Variants in WNT4 observed in about 807,000 individuals in gnomAD.
WNT4 encodes protein Wnt-4.
WNT4 carries 16 observed loss-of-function variants against 34.5 expected under a neutral mutation model. The ratio of observed to expected loss-of-function variants is 0.46; its 90% CI spans 0.31 to 0.70. The LOEUF is 0.70. Among genes scored for constraint, WNT4 ranks in the 30% least tolerant of loss-of-function variants. The pLI is 0.04. For missense variants in WNT4, 379 were observed against 495.9 expected, an observed-to-expected ratio of 0.76 and a Z score of 2.24; for synonymous variants, 200 against 211.9, an observed-to-expected ratio of 0.94 and a Z score of 0.49.
rs746235370 is a variant in WNT4 at position 22,120,431 on chromosome 1, C to T, written c.675G>A (p.Pro225=). 13 of 1,613,634 alleles carry T rather than the reference C, an allele frequency of 8.1e-6. No homozygotes were observed. Among genetic ancestry groups the T allele is most frequent in the East Asian group, 2.2e-5 (1 of 44,896 alleles). ...CEVKTCWRAV[P]PFRQVGHALK... ...GTGCGTGACCCACCTGGCGGAAGGGCGGCACGGCTCGCCAGCACGTCTTTA... is the reference window on the plus strand; with the variant it reads ...GTGCGTGACCCACCTGGCGGAAGGGTGGCACGGCTCGCCAGCACGTCTTTA... Residue 225 remains proline (P), a synonymous_variant, in exon 5 of 5, where the codon CCG becomes CCA. Coordinates refer to ENST00000290167, the MANE Select transcript of WNT4 (RefSeq NM_030761.5).
intron 2 of WNT4, among the ~76,000 whole-genome samples, chr1:22,129,297 T>A (rs1645964365): frequency 6.6e-6 from 1 of 152,178 alleles, no homozygotes; most frequent in Non-Finnish European, 1.5e-5. Flanking sequence ...TGCCTGAGCC[T>A]CAGTTTCTTC....
rs1387956416 is a variant in WNT4, at chr1:22,139,137, T to G, written c.77+3709A>C. ...CCTGTGTTAAATCAGTGGATCTGGGTGGGACAGCCTGGGATAAACAGGGCT... is the reference window on the plus strand; with the variant it reads ...CCTGTGTTAAATCAGTGGATCTGGGGGGGACAGCCTGGGATAAACAGGGCT... On this transcript the variant is annotated intron_variant, in intron 1 of 4. Transcript: ENST00000290167. The surrounding 1 kb of genome is among the most constrained non-coding windows in gnomAD (Gnocchi z 4.6). Among the ~76,000 whole-genome samples, 2 of 152,142 alleles carry G rather than the reference T, an allele frequency of 1.3e-5. No individual in the cohort carries two copies. The highest frequency in any genetic ancestry group is 6.5e-5 in the Admixed American group (1 of 15,282).
chr1:22,121,086 G>C, intron 4 of WNT4, 125 bp downstream of exon 4: 5 of 1,486,758 alleles, frequency 3.4e-6, no homozygotes, highest in Non-Finnish European at 4.5e-6. Context: ...CTGGCCTACA[G>C]AAGGTGCCAG....
At chr1:22,129,268 G>A (rs1408206696) in intron 2 of WNT4, among the ~76,000 whole-genome samples, 4 of 152,168 alleles carry the variant, frequency 2.6e-5, no homozygotes, top group Non-Finnish European at 4.4e-5. Context: ...GGAACCTTGG[G>A]CAAGTCAGTG....
chr1:22,127,879 G>C lies in WNT4; in HGVS notation c.313+1737C>G, dbSNP rs536627450. Among the ~76,000 whole-genome samples the C allele has an allele frequency of 3.3e-5, 5 of 152,326 alleles. No homozygotes were observed. In the East Asian group the frequency reaches 9.7e-4, roughly 29 times the overall value. ...CCTCAAGAAGGGGGCTTGGGTGTTT[G>C]CGGTGGAGGACATTGCATATGCAAA... On this transcript the variant is annotated intron_variant, in intron 2 of 4. Coordinates refer to ENST00000290167, the MANE Select transcript of WNT4 (RefSeq NM_030761.5).
intron 1 of WNT4, among the ~76,000 whole-genome samples, chr1:22,141,470 G>C (rs1024302375): frequency 3.3e-5 from 5 of 152,152 alleles, no homozygotes; most frequent in African/African-American, 1.2e-4. Context: ...CTCCATTCAG[G>C]GGGTGGCCTG....
Position 22,142,946 on chromosome 1 carries a change from CG to C in WNT4, c.-25del, listed in dbSNP as rs1294916412. 2 of 1,055,108 alleles carry C rather than the reference CG, an allele frequency of 1.9e-6. No individual in the cohort carries two copies. The highest frequency in any genetic ancestry group is 1.1e-6 in the Non-Finnish European group (1 of 871,224). The allele number at this position is 1,055,108 out of a possible 1,614,324, so 65.4% of individuals were successfully genotyped here. On this transcript the variant is annotated 5_prime_UTR_variant, in exon 1 of 5. Coordinates refer to ENST00000290167, the MANE Select transcript of WNT4 (RefSeq NM_030761.5). This position sits in a 1 kb window ranked among gnomAD's most constrained non-coding sequence, Gnocchi z 6.0. The stretch of plus-strand genomic sequence containing the variant: ...ATGGTGCCGCCGCGGGCGCCCGGCC[CG>C]GGGCAGCGGCTGCGGCCGCGGGGGG...
chr1:22,122,795 CCT>C (rs1645911805), intron 2 of WNT4, among the ~76,000 whole-genome samples: 1 of 152,340 alleles, frequency 6.6e-6, no homozygotes, highest in East Asian at 1.9e-4. Context: ...TCTCTGTGCC[CCT>C]GTCTGTGGAC....
Position 22,134,936 on chromosome 1 carries a change from CT to C in WNT4, c.78-5086del, listed in dbSNP as rs1259652486. On this transcript the variant is annotated intron_variant, in intron 1 of 4. Coordinates refer to ENST00000290167, the MANE Select transcript of WNT4 (RefSeq NM_030761.5). This position sits in a 1 kb window ranked among gnomAD's most constrained non-coding sequence, Gnocchi z 4.1. ...GATCATGCCTGAGAGGTGGGACACG[CT>C]CCCCCGGGGTACAGTGGATGACCTC... 6.6e-6 allele frequency among the ~76,000 whole-genome samples: 1 copy of C among 152,198 alleles called. No individual in the cohort carries two copies. Among genetic ancestry groups the C allele is most frequent in the Non-Finnish European group, 1.5e-5 (1 of 68,022 alleles).
chr1:22,133,850 G>A (rs1315364631), intron 1 of WNT4, among the ~76,000 whole-genome samples: 4 of 152,228 alleles, frequency 2.6e-5, no homozygotes, highest in Admixed American at 1.3e-4. Context: ...TACAGCCTGC[G>A]AGGCTGGAGG....
At chr1:22,129,966 C>T in intron 1 of WNT4, 115 bp from the exon 2 acceptor site, 1 of 1,233,350 alleles carries the variant, frequency 8.1e-7, no homozygotes, top group Non-Finnish European at 1.2e-6. Context: ...GTGACTGGGC[C>T]TGGCTGCCGA....
chr1:22,120,426 A>G lies in WNT4; in HGVS notation c.680T>C (p.Phe227Ser). 1.2e-6 allele frequency: 2 copies of G among 1,613,772 alleles called. No individual in the cohort carries two copies. The highest frequency in any genetic ancestry group is 1.7e-6 in the Non-Finnish European group (2 of 1,179,820). Residue 227 changes from phenylalanine (F) to serine (S), a missense_variant, in exon 5 of 5, where the codon TTC (phenylalanine) becomes TCC (serine). Phe to Ser is a radical substitution (Grantham distance 155). Transcript: ENST00000290167. ...VKTCWRAVPP[F>S]RQVGHALKEK... Reference sequence around the variant, plus strand: ...CTTCAGTGCGTGACCCACCTGGCGGAAGGGCGGCACGGCTCGCCAGCACGT... The same window carrying G: ...CTTCAGTGCGTGACCCACCTGGCGGGAGGGCGGCACGGCTCGCCAGCACGT...
At chr1:22,121,665 C>T (rs1645899713) in intron 2 of WNT4, 89 bp from the exon 3 acceptor site, 2 of 1,557,064 alleles carry the variant, frequency 1.3e-6, no homozygotes, top group Middle Eastern at 2.0e-4. Flanking sequence ...ATGGAGCCTC[C>T]TGCTTGCTGG....
rs536666171 is a variant in WNT4, at chr1:22,128,549, G to A, written c.313+1067C>T. On this transcript the variant is annotated intron_variant, in intron 2 of 4. Coordinates refer to ENST00000290167, the MANE Select transcript of WNT4 (RefSeq NM_030761.5). ...GTCTCAGCTGAGGACCAATCTCCTC[G>A]GAAAAGCCTTCCCTGAGCATCCCAG... Among the ~76,000 whole-genome samples the A allele has an allele frequency of 1.1e-4, 16 of 152,140 alleles. 1 individual carries two copies. In the East Asian group the frequency reaches 2.7e-3, roughly 26 times the overall value.
In WNT4 at chr1:22,142,370, A is replaced by C. The variant is rs1175219129; in HGVS notation, c.77+476T>G. Among the ~76,000 whole-genome samples, 5 of 150,868 alleles carry C rather than the reference A, an allele frequency of 3.3e-5. No individual in the cohort carries two copies. Among genetic ancestry groups the C allele is most frequent in the African/African-American group, 4.8e-5 (2 of 41,268 alleles). ...CAGAAACAGGTCCCTGCACGCCTCC[A>C]GCCCAGCCCGCAGCGCGGCGCAGCT... On this transcript the variant is annotated intron_variant, in intron 1 of 4. Transcript: ENST00000290167. The surrounding 1 kb of genome is among the most constrained non-coding windows in gnomAD (Gnocchi z 6.0).
In WNT4 at chr1:22,117,860, G is replaced by T. The variant is rs1210157725; in HGVS notation, c.*2190C>A. On this transcript the variant is annotated 3_prime_UTR_variant, in exon 5 of 5. Coordinates refer to ENST00000290167, the MANE Select transcript of WNT4 (RefSeq NM_030761.5). ...GGCTCAGCTCTTTCCTCTGGGAGGG[G>T]AGGGGTCCTCATTGTTCCCTCTTTC... 13 of 152,446 alleles carry T rather than the reference G, an allele frequency of 8.5e-5. No homozygotes were observed. In the East Asian group the frequency reaches 2.3e-3, roughly 27 times the overall value. 9.4% of individuals were successfully genotyped at this position (152,446 alleles called of 1,614,324 possible).
chr1:22,121,799 C>G (rs1341916911), intron 2 of WNT4, among the ~76,000 whole-genome samples: 10 of 152,224 alleles, frequency 6.6e-5, no homozygotes, highest in Admixed American at 3.3e-4. Context: ...TTCAAACGTG[C>G]AGATGCTGTC....
intron 4 of WNT4, among the ~76,000 whole-genome samples, chr1:22,120,988 G>T (rs1294961882): frequency 1.3e-5 from 2 of 152,008 alleles, no homozygotes; most frequent in Non-Finnish European, 2.9e-5. Context: ...GTGTGTGGGG[G>T]GGCCATATGT....
rs1645879168 is a variant in WNT4, at chr1:22,119,821, G to A, written c.*229C>T. 1 of 601,580 alleles carries A rather than the reference G, an allele frequency of 1.7e-6. No individual in the cohort carries two copies. Among genetic ancestry groups the A allele is most frequent in the Admixed American group, 3.0e-5 (1 of 33,588 alleles). The allele number at this position is 601,580 out of a possible 1,614,324, so 37.3% of individuals were successfully genotyped here. On this transcript the variant is annotated 3_prime_UTR_variant, in exon 5 of 5. Transcript: ENST00000290167. ...TGCGGGCAGCCAGCGGCACGAGCAAGGTCCCTTTGGTCAGTGGCAGCCACA... is the reference window on the plus strand; with the variant it reads ...TGCGGGCAGCCAGCGGCACGAGCAAAGTCCCTTTGGTCAGTGGCAGCCACA...
Sources: gnomAD v4.1 joint callset for allele counts (sites outside exome capture counted in the v4.1 genomes callset) on GRCh38, gnomAD v4.1.1 for gene constraint, Gnocchi (gnomAD v3.1) non-coding constraint, MANE v1.5 for transcripts, NCBI Gene and HGNC (gene_info 2026-07-23, HGNC 2026-07-21) for gene names.